SPATA1: variants seen among roughly 807,000 people sequenced by gnomAD.
The protein encoded by SPATA1 is spermatogenesis associated 1.
Under a neutral mutation model 59.6 loss-of-function variants are expected in SPATA1, and 57 were observed. That is an observed-to-expected ratio of 0.96 (90% CI 0.77 to 1.19). The LOEUF (loss-of-function observed/expected upper bound fraction) is 1.19. SPATA1 is among the 50% of genes most tolerant of loss of function. The pLI, the probability that SPATA1 is intolerant of heterozygous loss-of-function variation, is 0.00. For missense variants in SPATA1, 448 were observed against 480.7 expected (o/e 0.93, Z 0.64); for synonymous variants, 147 against 163.9 (o/e 0.90, Z 0.79).
rs542773454 is a variant in SPATA1 at position 84,559,825 on chromosome 1, G to A, written n.442+3846G>A. 7.2e-5 allele frequency among the ~76,000 whole-genome samples: 11 copies of A among 152,090 alleles called. 1 individual carries two copies. Among genetic ancestry groups the A allele is most frequent in the Admixed American group, 2.6e-4 (4 of 15,282 alleles). ...GTTGGCCAGGTGCAGTGGCCCATGC[G>A]TGTAATCCCAGGCCTTTGGGAGGCC... is the stretch of plus-strand genomic sequence containing the variant. On this transcript the variant is annotated intron_variant and non_coding_transcript_variant, in intron 4 of 4. Coordinates refer to the SPATA1 transcript ENST00000460286.
chr1:84,530,765 G>A (rs769827776), intron 6 of SPATA1, among the ~76,000 whole-genome samples: 3 of 152,202 alleles, frequency 2.0e-5, no homozygotes, highest in Admixed American at 6.5e-5. Context: ...CAGGACTTGA[G>A]CTCTTTTGTG....
At chr1:84,542,334 C>T (rs1171709757) in intron 8 of SPATA1, among the ~76,000 whole-genome samples, 1 of 152,016 alleles carries the variant, frequency 6.6e-6, no homozygotes, top group Admixed American at 6.5e-5. Context: ...GGAGCTCTTG[C>T]CTTGGCCATT....
At chr1:84,562,313 A>G (rs1251496154) in intron 4 of SPATA1, among the ~76,000 whole-genome samples, 1 of 152,246 alleles carries the variant, frequency 6.6e-6, no homozygotes, top group East Asian at 1.9e-4. Flanking sequence ...TGTTTAGGAA[A>G]GATAAGATTA....
rs572062549 is a variant in SPATA1, at chr1:84,553,650, T to G, written c.*526T>G. Reference sequence around the variant, plus strand: ...TTTTAATTCATTTATTTTAGAAATATGAAGACAACAGTGATCCAACATATA... The same window carrying G: ...TTTTAATTCATTTATTTTAGAAATAGGAAGACAACAGTGATCCAACATATA... On this transcript the variant is annotated 3_prime_UTR_variant, in exon 13 of 13. Coordinates refer to ENST00000490879, the Ensembl canonical transcript of SPATA1. 4 of 152,380 alleles carry G rather than the reference T, an allele frequency of 2.6e-5. No homozygotes were observed. The East Asian group carries it at 5.8e-4, about 22-fold the overall frequency. 9.4% of individuals were successfully genotyped at this position (152,380 alleles called of 1,614,324 possible).
At chr1:84,550,640 T>C in intron 12 of SPATA1, 110 bp downstream of exon 12, 1 of 1,280,038 alleles carries the variant, frequency 7.8e-7, no homozygotes, top group South Asian at 2.9e-5. Context: ...GGATTGACTG[T>C]ATTAAAATTG....
intron 6 of SPATA1, chr1:84,527,604 A>AAAGAC (rs1262971574): frequency 6.4e-4 from 98 of 152,076 alleles, no homozygotes; most frequent in African/African-American, 2.3e-3. Context: ...AAAGCCTCTT[A>AAAGAC]TATTAAAATA....
Position 84,525,715 on chromosome 1 carries a change from C to A in SPATA1, c.281C>A (p.Ser94Ter). The change falls in exon 5 of 13, where the codon TCA becomes TAA. Residue 94 changes from serine to a stop codon, truncating the protein, a stop_gained. Coordinates refer to ENST00000490879, the Ensembl canonical transcript of SPATA1. LOFTEE classifies it high-confidence loss of function. Reference sequence around the variant, plus strand: ...TTCTAGGTGAAGGAAAAGCAAGAATCAGAACTGAAACTCAAATCATTTGCT... The same window carrying A: ...TTCTAGGTGAAGGAAAAGCAAGAATAAGAACTGAAACTCAAATCATTTGCT... The A allele has an allele frequency of 6.3e-7, 1 of 1,591,844 alleles. No homozygotes were observed. The highest frequency in any genetic ancestry group is 1.2e-5 in the South Asian group (1 of 85,902).
chr1:84,514,715 A>G (rs999634823), intron 1 of SPATA1, among the ~76,000 whole-genome samples: 1 of 152,206 alleles, frequency 6.6e-6, no homozygotes, highest in African/African-American at 2.4e-5. Flanking sequence ...TGATGCCTGT[A>G]ATCCCAGCAC....
At chr1:84,528,547 T>C (rs1379213727) in intron 6 of SPATA1, among the ~76,000 whole-genome samples, 1 of 152,210 alleles carries the variant, frequency 6.6e-6, no homozygotes, top group African/African-American at 2.4e-5. Context: ...ACCTATTTAT[T>C]TTCATTGTTG....
At chr1:84,565,888 G>A in exon 5 of SPATA1, 1 of 1,588,962 alleles carries the variant, frequency 6.3e-7, no homozygotes, top group Non-Finnish European at 8.6e-7. Context: ...AATACATTCT[G>A]ACCAGATCTG....
chr1:84,551,077 T>C, intron 12 of SPATA1: 15 of 985,360 alleles, frequency 1.5e-5, no homozygotes, highest in Non-Finnish European at 1.8e-5. Flanking sequence ...CTGGGCATGC[T>C]CTATTTGGTG....
intron 1 of SPATA1, among the ~76,000 whole-genome samples, chr1:84,508,198 C>T (rs57245302): frequency 0.18 from 27,250 of 151,514 alleles, 2,498 homozygotes; most frequent in South Asian, 0.31. Context: ...GCAGGAGATT[C>T]GCTTGAACCT....
chr1:84,563,863 G>C (rs369911180), intron 4 of SPATA1: 15 of 1,590,310 alleles, frequency 9.4e-6, no homozygotes, highest in Non-Finnish European at 1.3e-5. Context: ...AAGCATATTT[G>C]TTTCTCTTCA....
chr1:84,507,549 G>C (rs1341371063), intron 1 of SPATA1, among the ~76,000 whole-genome samples: 1 of 152,196 alleles, frequency 6.6e-6, no homozygotes, highest in Non-Finnish European at 1.5e-5. Context: ...TATGTAAAAA[G>C]AATGTGAAAG....
At chr1:84,549,162 G>C (rs114614940) in intron 11 of SPATA1, among the ~76,000 whole-genome samples, 198 bp downstream of exon 11, 1 of 152,050 alleles carries the variant, frequency 6.6e-6, no homozygotes, top group East Asian at 1.9e-4. Context: ...TTGCCTTTAA[G>C]GGGTCTGATA....
chr1:84,533,841 G>T, intron 8 of SPATA1, 75 bp downstream of exon 8: 1 of 887,110 alleles, frequency 1.1e-6, no homozygotes, highest in Non-Finnish European at 1.7e-6. Context: ...AACTGAAACT[G>T]CAGATTAAAA....
intron 6 of SPATA1, among the ~76,000 whole-genome samples, chr1:84,528,846 A>C (rs1290145229): frequency 6.6e-6 from 1 of 152,142 alleles, no homozygotes; most frequent in African/African-American, 2.4e-5. Context: ...TCTTGCCATT[A>C]TGTCATATAT....
intron 1 of SPATA1, among the ~76,000 whole-genome samples, chr1:84,515,439 G>C (rs1682756314): frequency 6.6e-6 from 1 of 152,048 alleles, no homozygotes; most frequent in South Asian, 2.1e-4. Flanking sequence ...TTCCAGATCA[G>C]AGGAATTTTA....
chr1:84,533,820 T>C lies in SPATA1; in HGVS notation c.717+54T>C, dbSNP rs1683568806. On this transcript the variant is annotated intron_variant, in intron 8 of 12. Coordinates refer to ENST00000490879, the Ensembl canonical transcript of SPATA1. ...TGGTATTGCAACATCATAATATTTTTACTAAGATTAAACTGAAACTGCAGA... is the reference window on the plus strand; with the variant it reads ...TGGTATTGCAACATCATAATATTTTCACTAAGATTAAACTGAAACTGCAGA... 7.4e-6 allele frequency: 8 copies of C among 1,085,166 alleles called. No homozygotes were observed. The South Asian group carries it at 1.2e-4, about 16-fold the overall frequency. The allele number at this position is 1,085,166 out of a possible 1,614,324, so 67.2% of individuals were successfully genotyped here. A position where few individuals can be genotyped will look rare whatever the true frequency, so the allele number is the denominator to read the frequency against.
Sources: gnomAD v4.1 joint callset for allele counts (sites outside exome capture counted in the v4.1 genomes callset) on GRCh38, gnomAD v4.1.1 for gene constraint, MANE v1.5 for transcripts, NCBI Gene and HGNC (gene_info 2026-07-23, HGNC 2026-07-21) for gene names.